The following FOXJ3 variants were observed in gnomAD, a reference collection of about 807,000 sequenced individuals.
FOXJ3 encodes the protein forkhead box protein J3.
In FOXJ3, 22 loss-of-function variants were observed where a neutral mutation model predicts 76.1. The ratio of observed to expected loss-of-function variants is 0.29; its 90% CI spans 0.21 to 0.41. The LOEUF (loss-of-function observed/expected upper bound fraction) is 0.41. Among genes scored for constraint, FOXJ3 ranks in the 10% least tolerant of loss-of-function variants. The probability of loss-of-function intolerance (pLI) is 1.00; values close to 1 mark genes in which losing one functional copy is unlikely to be tolerated. For synonymous variants in FOXJ3, 269 were observed against 261.2 expected, an observed-to-expected ratio of 1.03 and a Z score of -0.29; for missense variants, 613 against 762.1, an observed-to-expected ratio of 0.80 and a Z score of 2.30.
At chr1:42,309,693 T>C (rs148803594) in intron 2 of FOXJ3, among the ~76,000 whole-genome samples, 2 of 152,358 alleles carry the variant, frequency 1.3e-5, no homozygotes, top group East Asian at 3.9e-4. Flanking sequence ...ATAAATGATA[T>C]GGCTGACTGC....
At chr1:42,241,680 C>T (rs1649154689) in intron 4 of FOXJ3, among the ~76,000 whole-genome samples, 2 of 152,224 alleles carry the variant, frequency 1.3e-5, no homozygotes, top group African/African-American at 4.8e-5. Flanking sequence ...TCAATGCATA[C>T]CACTTCGGAT....
chr1:42,258,359 T>C (rs369821277), intron 4 of FOXJ3, among the ~76,000 whole-genome samples: 1 of 152,228 alleles, frequency 6.6e-6, no homozygotes, highest in Non-Finnish European at 1.5e-5. Context: ...AGAGCAACCA[T>C]ACTTGGAGTT....
chr1:42,212,380 A>T (rs1359466192), intron 5 of FOXJ3, among the ~76,000 whole-genome samples: 2 of 152,242 alleles, frequency 1.3e-5, no homozygotes, highest in African/African-American at 4.8e-5. Context: ...AAGTATTTTA[A>T]AGCAAAGCCA....
At chr1:42,207,161 C>T (rs1646876877) in intron 5 of FOXJ3, among the ~76,000 whole-genome samples, 1 of 152,102 alleles carries the variant, frequency 6.6e-6, no homozygotes, top group Admixed American at 6.5e-5. Context: ...TATTTACATC[C>T]ATTAATCAAC....
rs923495978 is a variant in FOXJ3 at position 42,214,340 on chromosome 1, G to A, written c.529-8477C>T. Among the ~76,000 whole-genome samples, 6 of 152,184 alleles carry A rather than the reference G, an allele frequency of 3.9e-5. No individual in the cohort carries two copies. The East Asian group carries it at 1.2e-3, about 29-fold the overall frequency. On this transcript the variant is annotated intron_variant, in intron 5 of 12. Transcript: ENST00000361346. ...TTAATAGGCAAAAAGTAGTCTGATC[G>A]GTAAAGCCAATAGATCCAGGCATCC... is the stretch of plus-strand genomic sequence containing the variant.
In FOXJ3 at chr1:42,182,003, C is replaced by T; in HGVS notation, c.1667G>A (p.Arg556Lys). Residue 556 changes from arginine to lysine, a missense_variant, in exon 12 of 13, where the codon AGG becomes AAG. This residue lies in a region of FOXJ3 where 526 missense variants were observed against 601.4 expected (regional missense o/e 0.87). Transcript: ENST00000361346. ...IGTGNLYIDSRQNLPPSVMPP... is the reference protein window; with the variant it reads ...IGTGNLYIDSKQNLPPSVMPP... ...CATCACTGAAGGAGGGAGATTTTGC[C>T]TAGAATCTATGTACAAATTTCCTAA... The T allele has an allele frequency of 6.2e-7, 1 of 1,611,444 alleles. No individual in the cohort carries two copies. Among genetic ancestry groups the T allele is most frequent in the Non-Finnish European group, 8.5e-7 (1 of 1,178,180 alleles).
chr1:42,331,951 T>C (rs1454875374), intron 1 of FOXJ3, among the ~76,000 whole-genome samples: 8 of 152,228 alleles, frequency 5.3e-5, no homozygotes, highest in Admixed American at 5.2e-4. Flanking sequence ...CAGATACTAA[T>C]GTCTCTACAA....
chr1:42,176,905 C>T lies in FOXJ3; in HGVS notation c.*2805G>A, dbSNP rs1646224965. 6.6e-6 allele frequency: 1 copy of T among 152,660 alleles called. No individual in the cohort carries two copies. The highest frequency in any genetic ancestry group is 6.5e-5 in the Admixed American group (1 of 15,280). 9.5% of individuals were successfully genotyped at this position (152,660 alleles called of 1,614,324 possible). A position where few individuals can be genotyped will look rare whatever the true frequency, so the allele number is the denominator to read the frequency against. ...ATTGATTCCCTCCCACTTCAAAGGACATCTGAGCGACACGTATTTACAAGA... is the reference window on the plus strand; with the variant it reads ...ATTGATTCCCTCCCACTTCAAAGGATATCTGAGCGACACGTATTTACAAGA... On this transcript the variant is annotated 3_prime_UTR_variant, in exon 13 of 13. Coordinates refer to ENST00000361346, the MANE Select transcript of FOXJ3 (RefSeq NM_014947.5).
At position 42,232,894 on chromosome 1, in the gene FOXJ3, C is replaced by T. The variant is rs1338224579; in HGVS notation, c.445-4928G>A. Among the ~76,000 whole-genome samples, 4 of 152,094 alleles carry T rather than the reference C, an allele frequency of 2.6e-5. No homozygotes were observed. In the East Asian group the frequency reaches 5.8e-4, roughly 22 times the overall value. ...CATGCCAATGTCCTGAATGGTAATG[C>T]CTAGGTTTTCTTCTAGGGTTTTTAT... On this transcript the variant is annotated intron_variant, in intron 4 of 12. Coordinates refer to ENST00000361346, the MANE Select transcript of FOXJ3 (RefSeq NM_014947.5).
In FOXJ3 at chr1:42,215,579, A is replaced by G. The variant is rs1289984124; in HGVS notation, c.529-9716T>C. The stretch of plus-strand genomic sequence containing the variant: ...TAATGACTAAAATCTTTGAAAATTT[A>G]GTAAAAGACAAATTTAACAAATTCA... On this transcript the variant is annotated intron_variant, in intron 5 of 12. Coordinates refer to ENST00000361346, the MANE Select transcript of FOXJ3 (RefSeq NM_014947.5). Among the ~76,000 whole-genome samples the G allele has an allele frequency of 5.3e-4, 80 of 152,216 alleles. 2 individuals carry two copies. The highest frequency in any genetic ancestry group is 1.0e-4 in the Non-Finnish European group (7 of 68,038).
chr1:42,272,023 A>AT (rs1286549360), intron 3 of FOXJ3, among the ~76,000 whole-genome samples: 4 of 152,208 alleles, frequency 2.6e-5, no homozygotes, highest in African/African-American at 7.2e-5. Flanking sequence ...CCAAAGAGGT[A>AT]TTTTTAATAT....
rs984442343 is a variant in FOXJ3, at chr1:42,177,755, A to T, written c.*1955T>A. 6.6e-6 allele frequency: 1 copy of T among 152,412 alleles called. No homozygotes were observed. The highest frequency in any genetic ancestry group is 1.5e-5 in the Non-Finnish European group (1 of 68,032). The allele number at this position is 152,412 out of a possible 1,614,324, so 9.4% of individuals were successfully genotyped here. On this transcript the variant is annotated 3_prime_UTR_variant, in exon 13 of 13. Coordinates refer to ENST00000361346, the MANE Select transcript of FOXJ3 (RefSeq NM_014947.5). The stretch of plus-strand genomic sequence containing the variant: ...ATTCATTCAAGGCAACACTCCATTA[A>T]AACACACACACACACACGCGCGCGC...
At chr1:42,212,532 T>C (rs1445372550) in intron 5 of FOXJ3, among the ~76,000 whole-genome samples, 2 of 150,004 alleles carry the variant, frequency 1.3e-5, no homozygotes, top group East Asian at 3.9e-4. Context: ...CAGATAAAAA[T>C]AAAGAAAAAA....
intron 1 of FOXJ3, among the ~76,000 whole-genome samples, chr1:42,321,800 G>A (rs1655443693): frequency 6.6e-6 from 1 of 152,040 alleles, no homozygotes. Context: ...CGACTCAAGA[G>A]GAAACCAAAC....
intron 2 of FOXJ3, among the ~76,000 whole-genome samples, chr1:42,286,217 A>G (rs575979396): frequency 1.3e-4 from 20 of 152,350 alleles, no homozygotes; most frequent in Admixed American, 1.3e-4. Context: ...GAAATAACTT[A>G]GGCTATTTCC....
At chr1:42,237,409 T>TATATATATATATATACATACATACATAC (rs1557663242) in intron 4 of FOXJ3, among the ~76,000 whole-genome samples, 19 of 19,596 alleles carry the variant, frequency 9.7e-4, no homozygotes, top group African/African-American at 1.8e-3. Context: ...TACATACATA[T>TATATATATATATATACATACATACATAC]ATATATATAT....
At chr1:42,324,137 GTATATATAC>G (rs1655654433) in intron 1 of FOXJ3, among the ~76,000 whole-genome samples, 1 of 43,530 alleles carries the variant, frequency 2.3e-5, no homozygotes, top group African/African-American at 8.1e-5. Flanking sequence ...TGTATATACA[GTATATATAC>G]TATATATACA....
At chr1:42,284,031 G>T (rs1269434190) in intron 2 of FOXJ3, among the ~76,000 whole-genome samples, 1 of 152,198 alleles carries the variant, frequency 6.6e-6, no homozygotes, top group Non-Finnish European at 1.5e-5. Flanking sequence ...AAAAAGTCTG[G>T]GTCCCTGATT....
chr1:42,259,496 GTA>G (rs1650872520), intron 4 of FOXJ3, among the ~76,000 whole-genome samples: 1 of 152,172 alleles, frequency 6.6e-6, no homozygotes, highest in Admixed American at 6.6e-5. Context: ...AGAGAACACT[GTA>G]TGTCTCAACA....
Sources: allele counts gnomAD v4.1 joint callset (sites outside exome capture counted in the v4.1 genomes callset), GRCh38; gene constraint gnomAD v4.1.1; regional missense constraint gnomAD v4.1.1; transcripts MANE v1.5; gene names NCBI Gene and HGNC (gene_info 2026-07-23, HGNC 2026-07-21).